The following STX8 variants were observed in gnomAD, a reference collection of about 807,000 sequenced individuals.
STX8 encodes the protein syntaxin-8.
A neutral mutation model predicts 37.5 loss-of-function variants in STX8; 23 were observed. The observed-to-expected ratio is 0.61, with a 90% confidence interval of 0.44 to 0.87. The LOEUF is 0.87. Ranked by LOEUF, STX8 falls within the 40% of genes least tolerant of loss-of-function variation. STX8 has a pLI of 0.00. For missense variants in STX8, 313 were observed against 284.7 expected (o/e 1.10, Z -0.71); for synonymous variants, 115 against 99.1 (o/e 1.16, Z -0.95).
chr17:9,405,556 C>A (rs1242095326), intron 6 of STX8, among the ~76,000 whole-genome samples: 1 of 152,150 alleles, frequency 6.6e-6, no homozygotes, highest in African/African-American at 2.4e-5. Flanking sequence ...GATATAAGGG[C>A]AGTCCTGATC....
intron 6 of STX8, among the ~76,000 whole-genome samples, chr17:9,389,185 G>A (rs74841549): frequency 6.6e-6 from 1 of 152,340 alleles, no homozygotes; most frequent in East Asian, 1.9e-4. Flanking sequence ...CCACTTGTCA[G>A]TTATGACCTC....
At chr17:9,544,424 T>C (rs1480786371) in intron 4 of STX8, among the ~76,000 whole-genome samples, 2 of 151,862 alleles carry the variant, frequency 1.3e-5, no homozygotes, top group African/African-American at 2.4e-5. Flanking sequence ...TGGCGAAGAA[T>C]GGGGAGGAGG....
At chr17:9,551,438 GATAAA>G (rs1906755903) in intron 3 of STX8, among the ~76,000 whole-genome samples, 1 of 152,138 alleles carries the variant, frequency 6.6e-6, no homozygotes. Flanking sequence ...TTACAATAAT[GATAAA>G]ATAATCAATA....
intron 7 of STX8, among the ~76,000 whole-genome samples, chr17:9,336,430 CCCTTCCTTCCTTCT>C (rs1490845785): frequency 1.3e-5 from 2 of 151,184 alleles, no homozygotes. Flanking sequence ...TCCTTCCTTC[CCCTTCCTTCCTTCT>C]TTCTTTCTTG....
intron 6 of STX8, among the ~76,000 whole-genome samples, chr17:9,475,099 C>G (rs951563571): frequency 2.0e-5 from 3 of 152,122 alleles, no homozygotes. Context: ...ACTTTGAGCT[C>G]CAAACAGTAG....
At chr17:9,350,089 G>A (rs1486578082) in intron 7 of STX8, among the ~76,000 whole-genome samples, 1 of 152,216 alleles carries the variant, frequency 6.6e-6, no homozygotes, top group Non-Finnish European at 1.5e-5. Flanking sequence ...TATGTCAGAA[G>A]CAAGATCATC....
chr17:9,491,709 A>T (rs1483867143), intron 6 of STX8, 120 bp downstream of exon 6: 1 of 817,304 alleles, frequency 1.2e-6, no homozygotes, highest in Non-Finnish European at 1.9e-6. Context: ...GTTAAACTGT[A>T]ACAATCATTG....
At chr17:9,554,306 T>C (rs1906883977) in intron 3 of STX8, 1 of 152,466 alleles carries the variant, frequency 6.6e-6, no homozygotes, top group South Asian at 2.1e-4. Flanking sequence ...CCAACAAACC[T>C]CCTCTGCTGG....
At chr17:9,324,086 CCTCTCTCTCTCT>C (rs149631075) in intron 7 of STX8, among the ~76,000 whole-genome samples, 1 of 144,052 alleles carries the variant, frequency 6.9e-6, no homozygotes, top group Admixed American at 7.1e-5. Context: ...TCAGGGCATC[CCTCTCTCTCTCT>C]CTCTCTCTCT....
chr17:9,442,082 G>A (rs1043413890), intron 6 of STX8, among the ~76,000 whole-genome samples: 7 of 152,112 alleles, frequency 4.6e-5, no homozygotes, highest in Admixed American at 1.3e-4. Flanking sequence ...CCTAAGCTGA[G>A]AGCACCCCAC....
intron 4 of STX8, among the ~76,000 whole-genome samples, chr17:9,510,592 T>C (rs1038270254): frequency 2.0e-5 from 3 of 152,070 alleles, no homozygotes; most frequent in African/African-American, 7.2e-5. Flanking sequence ...AGGCACAACA[T>C]ACCGAAACCT....
chr17:9,327,256 A>AAAG (rs1567784985), intron 7 of STX8, among the ~76,000 whole-genome samples: 1 of 148,774 alleles, frequency 6.7e-6, no homozygotes, highest in Non-Finnish European at 1.5e-5. Context: ...AGGAAGGAGG[A>AAAG]AGGAGGAGGA....
At chr17:9,473,177 T>C (rs1905950674) in intron 6 of STX8, among the ~76,000 whole-genome samples, 1 of 151,910 alleles carries the variant, frequency 6.6e-6, no homozygotes, top group Non-Finnish European at 1.5e-5. Flanking sequence ...CCACCACACC[T>C]GGCTAATTTT....
At chr17:9,381,857 T>C (rs969167491) in intron 6 of STX8, among the ~76,000 whole-genome samples, 9 of 152,092 alleles carry the variant, frequency 5.9e-5, no homozygotes, top group African/African-American at 2.2e-4. Flanking sequence ...TAATTCCAGA[T>C]ACTTGGGAGG....
chr17:9,476,093 C>T (rs554993684), intron 6 of STX8, among the ~76,000 whole-genome samples: 1 of 152,274 alleles, frequency 6.6e-6, no homozygotes, highest in East Asian at 1.9e-4. Context: ...ACAGAAGAAT[C>T]GTTTGAAGCC....
chr17:9,435,483 GCTGA>G (rs1417858540), intron 6 of STX8, among the ~76,000 whole-genome samples: 1 of 152,170 alleles, frequency 6.6e-6, no homozygotes, highest in Non-Finnish European at 1.5e-5. Context: ...CGATATGCAT[GCTGA>G]CTTTCATCGT....
chr17:9,550,716 A>C (rs1567607172), intron 3 of STX8, among the ~76,000 whole-genome samples: 1 of 152,222 alleles, frequency 6.6e-6, no homozygotes, highest in Non-Finnish European at 1.5e-5. Context: ...TAAATATGCA[A>C]CTGGATCCAC....
At chr17:9,403,430 T>C (rs1209524381) in intron 6 of STX8, among the ~76,000 whole-genome samples, 4 of 152,190 alleles carry the variant, frequency 2.6e-5, no homozygotes, top group Admixed American at 2.6e-4. Flanking sequence ...CACTGACATG[T>C]GTGTGCGATG....
chr17:9,354,120 T>C (rs1910799652), intron 7 of STX8, among the ~76,000 whole-genome samples: 1 of 152,160 alleles, frequency 6.6e-6, no homozygotes, highest in South Asian at 2.1e-4. Context: ...TTCTCTTTCA[T>C]TATAGGAGTA....
Sources: allele counts gnomAD v4.1 joint callset (sites outside exome capture counted in the v4.1 genomes callset), GRCh38; gene constraint gnomAD v4.1.1; transcripts MANE v1.5; gene names NCBI Gene and HGNC (gene_info 2026-07-23, HGNC 2026-07-21).